The following KCND2 variants were observed in gnomAD, a reference collection of about 807,000 sequenced individuals.
The protein encoded by KCND2 is A-type voltage-gated potassium channel KCND2.
Under a neutral mutation model 54.4 loss-of-function variants are expected in KCND2, and 16 were observed. That is an observed-to-expected ratio of 0.29 (90% CI 0.20 to 0.45). The LOEUF (loss-of-function observed/expected upper bound fraction) is 0.45, where lower values mean the gene tolerates loss of function less well. Ranked by LOEUF, KCND2 falls within the 20% of genes least tolerant of loss-of-function variation. KCND2 has a pLI of 1.00. For synonymous variants in KCND2, 317 were observed against 310.7 expected, an observed-to-expected ratio of 1.02 and a Z score of -0.21; for missense variants, 486 against 824.2, an observed-to-expected ratio of 0.59 and a Z score of 5.02.
chr7:120,730,418 A>T (rs148709976), intron 1 of KCND2, among the ~76,000 whole-genome samples: 1 of 152,288 alleles, frequency 6.6e-6, no homozygotes, highest in East Asian at 1.9e-4. Context: ...AATCCCACTG[A>T]CATACCTCTA....
chr7:120,348,195 A>G (rs74936296), intron 1 of KCND2, among the ~76,000 whole-genome samples: 36 of 152,144 alleles, frequency 2.4e-4, no homozygotes, highest in Non-Finnish European at 4.3e-4. Context: ...TTTGATTCCA[A>G]ATATCATAGA....
intron 1 of KCND2, among the ~76,000 whole-genome samples, chr7:120,414,337 C>T (rs1563038556): frequency 6.6e-6 from 1 of 152,136 alleles, no homozygotes. Context: ...AAAAAATTTT[C>T]AGTCAACTGT....
intron 1 of KCND2, among the ~76,000 whole-genome samples, chr7:120,588,302 T>A (rs1792625824): frequency 6.6e-6 from 1 of 152,108 alleles, no homozygotes; most frequent in Admixed American, 6.6e-5. Context: ...AATTCCAGAA[T>A]TAAAATACTA....
intron 1 of KCND2, among the ~76,000 whole-genome samples, chr7:120,731,575 T>C (rs1449952546): frequency 6.6e-6 from 1 of 152,178 alleles, no homozygotes; most frequent in Non-Finnish European, 1.5e-5. Context: ...TTTATTTCAG[T>C]TTCAAGTCCA....
At chr7:120,585,218 A>G (rs913578594) in intron 1 of KCND2, among the ~76,000 whole-genome samples, 3 of 151,996 alleles carry the variant, frequency 2.0e-5, no homozygotes, top group African/African-American at 7.3e-5. Context: ...GAAATATTAT[A>G]TCACAAAACT....
At chr7:120,718,267 C>A (rs897793711) in intron 1 of KCND2, among the ~76,000 whole-genome samples, 1 of 152,148 alleles carries the variant, frequency 6.6e-6, no homozygotes, top group Non-Finnish European at 1.5e-5. Context: ...CAACGCTTAA[C>A]CTTTCCAAAG....
intron 1 of KCND2, among the ~76,000 whole-genome samples, chr7:120,280,626 C>T (rs1197481037): frequency 6.6e-6 from 1 of 151,906 alleles, no homozygotes; most frequent in Non-Finnish European, 1.5e-5. Flanking sequence ...TTCTTATTAC[C>T]TGATCTCTAC....
At position 120,699,281 on chromosome 7, in the gene KCND2, C is replaced by CAA. The variant is rs201668632; in HGVS notation, c.1116-33610_1116-33609dup. ...TGGGCAACAGAGTGAGACTCCATCT[C>CAA]AAAAAAAAAAAAAGTTATTAAATCA... On this transcript the variant is annotated intron_variant, in intron 1 of 5. Coordinates refer to ENST00000331113, the MANE Select transcript of KCND2 (RefSeq NM_012281.3). 4.7e-3 allele frequency among the ~76,000 whole-genome samples: 650 copies of CAA among 138,522 alleles called. 5 individuals are homozygous for CAA. Among genetic ancestry groups the CAA allele is most frequent in the African/African-American group, 0.016 (601 of 37,924 alleles). 90.9% of individuals were successfully genotyped at this position (138,522 alleles called of 152,430 possible).
chr7:120,457,073 C>T (rs1304537222), intron 1 of KCND2, among the ~76,000 whole-genome samples: 1 of 152,204 alleles, frequency 6.6e-6, no homozygotes, highest in Non-Finnish European at 1.5e-5. Flanking sequence ...ACATTCGCCC[C>T]TTTTGGTCAT....
chr7:120,662,459 A>G (rs77481248), intron 1 of KCND2, among the ~76,000 whole-genome samples: 1,921 of 152,288 alleles, frequency 0.013, 12 homozygotes, highest in Non-Finnish European at 0.018. Flanking sequence ...TACTTCAATG[A>G]TAAGATTACA....
chr7:120,669,551 C>G (rs961309769), intron 1 of KCND2, among the ~76,000 whole-genome samples: 4 of 152,024 alleles, frequency 2.6e-5, no homozygotes, highest in African/African-American at 7.2e-5. Flanking sequence ...TAAGGAGACA[C>G]AAAAAGATAA....
intron 1 of KCND2, among the ~76,000 whole-genome samples, chr7:120,648,887 T>A (rs1344942915): frequency 6.6e-6 from 1 of 152,190 alleles, no homozygotes; most frequent in Non-Finnish European, 1.5e-5. Flanking sequence ...TCATTATAAT[T>A]TGTCTTCTAA....
At position 120,564,062 on chromosome 7, in the gene KCND2, A is replaced by G. The variant is rs1023912549; in HGVS notation, c.1116-168841A>G. The stretch of plus-strand genomic sequence containing the variant: ...AAATAAGAAAAACTCATTTCTATAT[A>G]TAATATACCAATAAATTTGGACAAA... On this transcript the variant is annotated intron_variant, in intron 1 of 5. Transcript: ENST00000331113. Among the ~76,000 whole-genome samples the G allele has an allele frequency of 4.6e-5, 7 of 152,206 alleles. No individual in the cohort carries two copies. In the East Asian group the frequency reaches 1.3e-3, roughly 29 times the overall value.
intron 1 of KCND2, among the ~76,000 whole-genome samples, chr7:120,626,594 A>G (rs1384682180): frequency 6.6e-6 from 1 of 152,156 alleles, no homozygotes; most frequent in Non-Finnish European, 1.5e-5. Flanking sequence ...TCTCTAGATC[A>G]GTCTATAATT....
At chr7:120,538,147 T>C (rs1229422730) in intron 1 of KCND2, among the ~76,000 whole-genome samples, 2 of 152,212 alleles carry the variant, frequency 1.3e-5, no homozygotes, top group East Asian at 3.9e-4. Context: ...CACTGAATAA[T>C]AATTTCAATA....
intron 1 of KCND2, among the ~76,000 whole-genome samples, chr7:120,654,793 T>C (rs953507897): frequency 1.3e-5 from 2 of 152,116 alleles, no homozygotes; most frequent in African/African-American, 2.4e-5. Context: ...GATGGAGATA[T>C]AGATATTTAG....
At chr7:120,517,455 A>G (rs1337765391) in intron 1 of KCND2, among the ~76,000 whole-genome samples, 2 of 152,128 alleles carry the variant, frequency 1.3e-5, no homozygotes, top group African/African-American at 4.8e-5. Context: ...AGTGATTAGT[A>G]TTCGATTGCT....
chr7:120,473,711 TCCA>T (rs1320259194), intron 1 of KCND2, among the ~76,000 whole-genome samples: 9 of 152,194 alleles, frequency 5.9e-5, no homozygotes, highest in Non-Finnish European at 1.3e-4. Flanking sequence ...AAACTTTTAA[TCCA>T]ATCCAAAGTT....
intron 1 of KCND2, among the ~76,000 whole-genome samples, chr7:120,586,129 C>T (rs1330482450): frequency 4.0e-5 from 6 of 151,826 alleles, no homozygotes; most frequent in Non-Finnish European, 7.4e-5. Flanking sequence ...AGGTATCATA[C>T]AATATAAAAC....
Sources: gnomAD v4.1 joint callset for allele counts (sites outside exome capture counted in the v4.1 genomes callset) on GRCh38, gnomAD v4.1.1 for gene constraint, MANE v1.5 for transcripts, NCBI Gene and HGNC (gene_info 2026-07-23, HGNC 2026-07-21) for gene names.